Variants in WWC2 observed in about 807,000 individuals in gnomAD.
The protein encoded by WWC2 is WW and C2 domain containing 2, also known as protein WWC2.
WWC2 carries 101 observed loss-of-function variants against 138.5 expected under a neutral mutation model. The observed-to-expected ratio is 0.73, with a 90% CI of 0.62 to 0.86. WWC2 has a LOEUF of 0.86. Ranked by LOEUF, WWC2 falls within the 40% of genes least tolerant of loss-of-function variation. The probability of loss-of-function intolerance (pLI) is 0.00; values close to 1 mark genes in which losing one functional copy is unlikely to be tolerated. For synonymous variants in WWC2, 558 were observed against 538.4 expected (o/e 1.04, Z -0.50); for missense variants, 1,420 against 1,419.4 (o/e 1.00, Z -0.01).
intron 1 of WWC2, among the ~76,000 whole-genome samples, chr4:183,144,688 T>C (rs1355690488): frequency 6.6e-6 from 1 of 152,206 alleles, no homozygotes; most frequent in Non-Finnish European, 1.5e-5. Context: ...ATTCGCGATG[T>C]CTTACTAATA....
At chr4:183,149,187 G>A (rs1037799850) in intron 1 of WWC2, among the ~76,000 whole-genome samples, 1 of 152,050 alleles carries the variant, frequency 6.6e-6, no homozygotes, top group Non-Finnish European at 1.5e-5. Context: ...AACTTTGCCA[G>A]CCACCCCAGA....
At chr4:183,117,988 C>T (rs1055921375) in intron 1 of WWC2, among the ~76,000 whole-genome samples, 17 of 150,758 alleles carry the variant, frequency 1.1e-4, no homozygotes, top group African/African-American at 3.2e-4. Flanking sequence ...TTAGTAGAGA[C>T]GGGGTTTCGC....
Position 183,319,520 on chromosome 4 carries a change from G to A in WWC2, c.*3791G>A. 6.4e-7 allele frequency: 1 copy of A among 1,553,034 alleles called. No individual in the cohort carries two copies. The highest frequency in any genetic ancestry group is 8.7e-7 in the Non-Finnish European group (1 of 1,151,090). Reference sequence around the variant, plus strand: ...TCCTACCAAATCCAGTGTTGAGCAAGCGTCTCCTGAACAGCAGACGCTTGT... The same window carrying A: ...TCCTACCAAATCCAGTGTTGAGCAAACGTCTCCTGAACAGCAGACGCTTGT... On this transcript the variant is annotated 3_prime_UTR_variant, in exon 23 of 23. Coordinates refer to ENST00000403733, the MANE Select transcript of WWC2 (RefSeq NM_024949.6).
chr4:183,173,729 G>T (rs531633078), intron 1 of WWC2, among the ~76,000 whole-genome samples: 1 of 152,184 alleles, frequency 6.6e-6, no homozygotes, highest in Non-Finnish European at 1.5e-5. Context: ...ACTGCGGGGG[G>T]CCAGCTGCCC....
At chr4:183,176,800 GAGA>G (rs1734482881) in intron 1 of WWC2, among the ~76,000 whole-genome samples, 1 of 152,110 alleles carries the variant, frequency 6.6e-6, no homozygotes, top group African/African-American at 2.4e-5. Context: ...CACAGGGGAA[GAGA>G]AGAATGATCA....
intron 1 of WWC2, among the ~76,000 whole-genome samples, chr4:183,191,129 A>G (rs778712113): frequency 3.6e-4 from 55 of 152,146 alleles, no homozygotes; most frequent in Non-Finnish European, 6.6e-4. Flanking sequence ...GAGGTAGTCA[A>G]AGAGACCATG....
At chr4:183,149,012 C>G (rs1733558642) in intron 1 of WWC2, among the ~76,000 whole-genome samples, 1 of 151,984 alleles carries the variant, frequency 6.6e-6, no homozygotes, top group Non-Finnish European at 1.5e-5. Flanking sequence ...TCAGTACATA[C>G]TTAGCTTAAT....
intron 1 of WWC2, among the ~76,000 whole-genome samples, chr4:183,182,320 G>A (rs1734655237): frequency 6.6e-6 from 1 of 152,164 alleles, no homozygotes; most frequent in South Asian, 2.1e-4. Flanking sequence ...TCGTCCATGA[G>A]CAATTATTAT....
intron 16 of WWC2, among the ~76,000 whole-genome samples, chr4:183,274,730 G>T (rs530469244): frequency 2.0e-4 from 31 of 152,232 alleles, no homozygotes; most frequent in African/African-American, 5.5e-4. Context: ...GGAATGCAAG[G>T]TTGGTTTAAC....
chr4:183,219,796 T>C (rs1168014314), intron 4 of WWC2, among the ~76,000 whole-genome samples: 2 of 152,226 alleles, frequency 1.3e-5, no homozygotes, highest in Non-Finnish European at 2.9e-5. Flanking sequence ...TTCTAAAATA[T>C]TTTCCAATCC....
At chr4:183,204,998 C>G (rs570076683) in intron 2 of WWC2, among the ~76,000 whole-genome samples, 14 of 152,292 alleles carry the variant, frequency 9.2e-5, no homozygotes, top group African/African-American at 3.1e-4. Context: ...TTTGCTTAGC[C>G]ATTACCTGTA....
chr4:183,229,820 G>C (rs1736188326), intron 4 of WWC2, among the ~76,000 whole-genome samples: 1 of 152,022 alleles, frequency 6.6e-6, no homozygotes, highest in Non-Finnish European at 1.5e-5. Context: ...TGGTTTCCTG[G>C]TGGGTTTTTG....
intron 4 of WWC2, among the ~76,000 whole-genome samples, chr4:183,221,122 C>T (rs1039813285): frequency 6.6e-6 from 1 of 152,234 alleles, no homozygotes; most frequent in African/African-American, 2.4e-5. Flanking sequence ...GAAGATATAT[C>T]ATGAAAATAC....
intron 1 of WWC2, among the ~76,000 whole-genome samples, chr4:183,149,358 C>T (rs920756376): frequency 6.6e-6 from 1 of 152,138 alleles, no homozygotes; most frequent in Non-Finnish European, 1.5e-5. Flanking sequence ...CGCGGTGGCT[C>T]ACGCCTGTAA....
intron 4 of WWC2, among the ~76,000 whole-genome samples, chr4:183,237,965 C>T (rs150711325): frequency 6.6e-6 from 1 of 152,084 alleles, no homozygotes; most frequent in Non-Finnish European, 1.5e-5. Context: ...CGCTTGCTCT[C>T]GAACACTCTT....
intron 21 of WWC2, among the ~76,000 whole-genome samples, chr4:183,309,996 A>G (rs1739155801): frequency 6.6e-6 from 1 of 152,206 alleles, no homozygotes; most frequent in Non-Finnish European, 1.5e-5. Context: ...ATCCAACTGT[A>G]TGGCATTCTG....
intron 21 of WWC2, among the ~76,000 whole-genome samples, chr4:183,308,274 G>A (rs926835902): frequency 2.0e-5 from 3 of 152,202 alleles, no homozygotes; most frequent in Non-Finnish European, 4.4e-5. Flanking sequence ...GGAAGACTCA[G>A]TATTGTCAAG....
rs537465098 is a variant in WWC2, at chr4:183,103,502, A to G, written c.131+3880A>G. 4.1e-5 allele frequency among the ~76,000 whole-genome samples: 6 copies of G among 147,358 alleles called. No homozygotes were observed. In the South Asian group the frequency reaches 6.5e-4, roughly 16 times the overall value. The stretch of plus-strand genomic sequence containing the variant: ...CCACCACGCCCGGCTAATTTTTTGT[A>G]TTTTTAGTAGAAATGGGGTTTCACC... On this transcript the variant is annotated intron_variant, in intron 1 of 22. Transcript: ENST00000403733.
chr4:183,250,152 CT>C (rs1736932447), intron 8 of WWC2, among the ~76,000 whole-genome samples, 159 bp downstream of exon 8: 1 of 152,112 alleles, frequency 6.6e-6, no homozygotes, highest in Admixed American at 6.6e-5. Flanking sequence ...TCTGGTCTAC[CT>C]TTTCTTCCCC....
Sources: gnomAD v4.1 joint callset for allele counts (sites outside exome capture counted in the v4.1 genomes callset) on GRCh38, gnomAD v4.1.1 for gene constraint, MANE v1.5 for transcripts, NCBI Gene and HGNC (gene_info 2026-07-23, HGNC 2026-07-21) for gene names.